Variants in GLS2 observed in about 807,000 individuals in gnomAD.
The protein encoded by GLS2 is glutaminase 2, also known as glutaminase liver isoform, mitochondrial.
Under a neutral mutation model 79.0 loss-of-function variants are expected in GLS2, and 52 were observed. That is an observed-to-expected ratio of 0.66 (90% CI 0.53 to 0.83). GLS2 has a LOEUF of 0.83. GLS2 is among the 40% of genes least tolerant of loss of function. GLS2 has a pLI of 0.00. For missense variants in GLS2, 561 were observed against 764.8 expected, an observed-to-expected ratio of 0.73 and a Z score of 3.14; for synonymous variants, 238 against 280.8, an observed-to-expected ratio of 0.85 and a Z score of 1.52.
intron 1 of GLS2, among the ~76,000 whole-genome samples, chr12:56,485,508 C>T (rs935416238): frequency 6.6e-6 from 1 of 151,990 alleles, no homozygotes; most frequent in African/African-American, 2.4e-5. Context: ...CAAGTGATCC[C>T]CCTGCCTTGG....
intron 4 of GLS2, chr12:56,478,606 G>A (rs917588425): frequency 1.7e-5 from 5 of 300,616 alleles, no homozygotes; most frequent in African/African-American, 4.3e-5. Flanking sequence ...TCTAGGAATC[G>A]TGTATAGAAA....
chr12:56,480,522 T>C (rs1592280339), intron 1 of GLS2, 135 bp from the exon 2 acceptor site: 2 of 684,398 alleles, frequency 2.9e-6, no homozygotes, highest in East Asian at 5.4e-5. Context: ...GATCTATCCC[T>C]ATAAATCTAA....
At chr12:56,475,433 T>G (rs890474051) in intron 9 of GLS2, 191 bp downstream of exon 9, 2 of 711,736 alleles carry the variant, frequency 2.8e-6, no homozygotes, top group Non-Finnish European at 4.6e-6. Context: ...ATGTACTAAT[T>G]AGAAATGGAA....
At chr12:56,472,062 T>C in intron 16 of GLS2, 57 bp downstream of exon 16, 1 of 1,573,796 alleles carries the variant, frequency 6.4e-7, no homozygotes, top group Admixed American at 1.7e-5. Flanking sequence ...GTACTTTTGG[T>C]GAAAAAGAAA....
At position 56,477,989 on chromosome 12, in the gene GLS2, A is replaced by C. The variant is rs1217547685; in HGVS notation, c.722T>G (p.Phe241Cys). The C allele has an allele frequency of 1.2e-6, 2 of 1,614,204 alleles. No homozygotes were observed. The highest frequency in any genetic ancestry group is 2.2e-5 in the East Asian group (1 of 44,886). ...CAGGCCACTTGGCTCTTTGCCCACAAACTTGTGCACGTAGTCAGTGCCTAG... is the reference window on the plus strand; with the variant it reads ...CAGGCCACTTGGCTCTTTGCCCACACACTTGTGCACGTAGTCAGTGCCTAG... Reference protein sequence around the residue: ...STLGTDYVHKFVGKEPSGLRY... With the variant: ...STLGTDYVHKCVGKEPSGLRY... The change falls in exon 6 of 18, where the codon TTT (phenylalanine) becomes TGT (cysteine). Residue 241 changes from phenylalanine (F) to cysteine (C), a missense_variant. Physicochemically the swap from Phe to Cys is radical, Grantham distance 205. This residue lies in a region of GLS2 where 221 missense variants were observed against 275.6 expected (regional missense o/e 0.80). Coordinates refer to ENST00000311966, the MANE Select transcript of GLS2 (RefSeq NM_013267.4).
Position 56,473,306 on chromosome 12 carries a change from G to A in GLS2, c.1371C>T (p.Leu457=), listed in dbSNP as rs558149390. The A allele has an allele frequency of 6.4e-5, 104 of 1,614,196 alleles. 1 individual carries two copies. The highest frequency in any genetic ancestry group is 5.6e-4 in the East Asian group (25 of 44,892). The stretch of plus-strand genomic sequence containing the variant: ...GGTTGTCATAGTTGTGGAAATTGAA[G>A]AGAGACACCAACTTCTAGAATTGTA... ...GTSFCQKLVS[L]FNFHNYDNLR... is the part of the protein sequence containing the mutation. Residue 457 remains leucine (L), a synonymous_variant, in exon 14 of 18, where the codon CTC becomes CTT. Coordinates refer to ENST00000311966, the MANE Select transcript of GLS2 (RefSeq NM_013267.4).
intron 16 of GLS2, 34 bp from the exon 17 acceptor site, chr12:56,471,870 G>T: frequency 6.2e-7 from 1 of 1,604,476 alleles, no homozygotes; most frequent in African/African-American, 1.3e-5. Flanking sequence ...ATGAGAAGGC[G>T]CAGGTCTTGA....
intron 7 of GLS2, 178 bp from the exon 8 acceptor site, chr12:56,476,155 CTT>C (rs537458158): frequency 7.3e-6 from 4 of 545,930 alleles, no homozygotes; most frequent in South Asian, 4.2e-5. Flanking sequence ...TGGCTCCTCT[CTT>C]TCTCTTTCTT....
chr12:56,487,797 CA>C, intron 1 of GLS2, 139 bp downstream of exon 1: 1 of 1,075,698 alleles, frequency 9.3e-7, no homozygotes, highest in Admixed American at 3.1e-5. Context: ...GCCCCACATC[CA>C]AAGGAAAAGG....
rs1263034670 is a variant in GLS2, at chr12:56,474,905, AAG to A, written c.997-11_997-10del. On this transcript the variant is annotated splice_polypyrimidine_tract_variant and intron_variant, in intron 10 of 17. Coordinates refer to ENST00000311966, the MANE Select transcript of GLS2 (RefSeq NM_013267.4). ...ACCCCCTTAGGAAAGCACTGCAAGG[AAG>A]AGAGGGGAGAGCATTTCTCTTCAGG... 6.2e-7 allele frequency: 1 copy of A among 1,614,002 alleles called. No homozygotes were observed. The highest frequency in any genetic ancestry group is 8.5e-7 in the Non-Finnish European group (1 of 1,180,032).
chr12:56,484,412 A>G (rs1238207115), intron 1 of GLS2, among the ~76,000 whole-genome samples: 2 of 152,326 alleles, frequency 1.3e-5, no homozygotes, highest in East Asian at 3.9e-4. Flanking sequence ...TATATTATCT[A>G]TTGAAACAAT....
chr12:56,487,830 G>T, intron 1 of GLS2, 107 bp downstream of exon 1: 1 of 1,266,404 alleles, frequency 7.9e-7, no homozygotes, highest in Non-Finnish European at 1.1e-6. Context: ...AGTGAGCGAG[G>T]AGAGGGGAGA....
intron 7 of GLS2, chr12:56,477,098 A>G (rs969359286): frequency 6.6e-6 from 1 of 152,218 alleles, no homozygotes; most frequent in African/African-American, 2.4e-5. Flanking sequence ...GAGGATTCCT[A>G]ACACCACCTT....
intron 1 of GLS2, 83 bp from the exon 2 acceptor site, chr12:56,480,470 T>G (rs957601341): frequency 1.0e-6 from 1 of 987,108 alleles, no homozygotes; most frequent in African/African-American, 1.6e-5. Flanking sequence ...GGCTTATAAG[T>G]AGGTGAGTGT....
chr12:56,479,215 G>C (rs560100533), intron 3 of GLS2, 34 bp from the exon 4 acceptor site: 2 of 1,608,310 alleles, frequency 1.2e-6, no homozygotes, highest in Admixed American at 1.7e-5. Context: ...TAGGGGGCTA[G>C]AGAAATGCAG....
chr12:56,471,680 G>T (rs371114386), intron 17 of GLS2, 37 bp from the exon 18 acceptor site: 1 of 1,612,546 alleles, frequency 6.2e-7, no homozygotes, highest in Non-Finnish European at 8.5e-7. Context: ...CAAAGGAGAC[G>T]TGGAGAGTGG....
chr12:56,475,897 C>T lies in GLS2; in HGVS notation c.870+48G>A, dbSNP rs543492244. ...CCACTGGGGCAGCTGGAGAGGACAGCATGCCATGGCGAAATGCAGCCAGGG... is the reference window on the plus strand; with the variant it reads ...CCACTGGGGCAGCTGGAGAGGACAGTATGCCATGGCGAAATGCAGCCAGGG... On this transcript the variant is annotated intron_variant, in intron 8 of 17. Coordinates refer to ENST00000311966, the MANE Select transcript of GLS2 (RefSeq NM_013267.4). The T allele has an allele frequency of 6.9e-6, 11 of 1,602,540 alleles. No homozygotes were observed. The African/African-American group carries it at 1.5e-4, about 21-fold the overall frequency.
Position 56,475,275 on chromosome 12 carries a change from A to T in GLS2, c.930-165T>A, listed in dbSNP as rs1422753679. On this transcript the variant is annotated intron_variant, in intron 9 of 17. Transcript: ENST00000311966. Reference sequence around the variant, plus strand: ...TTAGAGGAAATTTCTGAACCTGAGCAAACACTCAGCATAGTTTTGTTATAA... The same window carrying T: ...TTAGAGGAAATTTCTGAACCTGAGCTAACACTCAGCATAGTTTTGTTATAA... 3 of 1,516,678 alleles carry T rather than the reference A, an allele frequency of 2.0e-6. No homozygotes were observed. The African/African-American group carries it at 4.1e-5, about 21-fold the overall frequency. The allele number at this position is 1,516,678 out of a possible 1,614,324, so 94.0% of individuals were successfully genotyped here.
chr12:56,477,732 AACC>A lies in GLS2; in HGVS notation c.779-17_779-15del, dbSNP rs1229566464. On this transcript the variant is annotated splice_polypyrimidine_tract_variant and intron_variant, in intron 6 of 17. Coordinates refer to ENST00000311966, the MANE Select transcript of GLS2 (RefSeq NM_013267.4). Reference sequence around the variant, plus strand: ...TATGGGGGATTCCTGGGGAAATACAAACCACCAAGAGTCTTAGCCACTGAACAA... The same window carrying A: ...TATGGGGGATTCCTGGGGAAATACAAACCAAGAGTCTTAGCCACTGAACAA... 6.2e-7 allele frequency: 1 copy of A among 1,609,280 alleles called. No individual in the cohort carries two copies. Among genetic ancestry groups the A allele is most frequent in the African/African-American group, 1.3e-5 (1 of 74,546 alleles).
Sources: gnomAD v4.1 joint callset for allele counts (sites outside exome capture counted in the v4.1 genomes callset) on GRCh38, gnomAD v4.1.1 for gene constraint, gnomAD v4.1.1 regional missense constraint, MANE v1.5 for transcripts, NCBI Gene and HGNC (gene_info 2026-07-23, HGNC 2026-07-21) for gene names.